GCNT2: variants seen among roughly 807,000 people sequenced by gnomAD.
GCNT2 encodes glucosaminyl (N-acetyl) transferase 2 (I blood group), also known as N-acetyllactosaminide beta-1,6-N-acetylglucosaminyl-transferase.
GCNT2 carries 34 observed loss-of-function variants against 34.2 expected under a neutral mutation model. The observed-to-expected ratio is 1.00, with a 90% CI of 0.76 to 1.32. The LOEUF (loss-of-function observed/expected upper bound fraction) is 1.32, where lower values mean the gene tolerates loss of function less well. Ranked by LOEUF, GCNT2 falls within the 40% of genes most tolerant of loss-of-function variation. The probability of loss-of-function intolerance (pLI) is 0.00; values close to 1 mark genes in which losing one functional copy is unlikely to be tolerated. For synonymous variants in GCNT2, 212 were observed against 188.0 expected, an observed-to-expected ratio of 1.13 and a Z score of -1.04; for missense variants, 584 against 489.4, an observed-to-expected ratio of 1.19 and a Z score of -1.82.
chr6:10,577,450 C>T (rs1422784625), intron 3 of GCNT2, among the ~76,000 whole-genome samples: 1 of 152,202 alleles, frequency 6.6e-6, no homozygotes, highest in Non-Finnish European at 1.5e-5. Context: ...GAGCAGTCTG[C>T]CCAGAGCCCC....
chr6:10,562,948 C>T (rs1355407978), intron 3 of GCNT2, among the ~76,000 whole-genome samples: 1 of 152,128 alleles, frequency 6.6e-6, no homozygotes. Flanking sequence ...CACCAGAAGT[C>T]GGGAGTTCGA....
Position 10,626,637 on chromosome 6 carries a change from G to A in GCNT2, c.*30G>A. On this transcript the variant is annotated 3_prime_UTR_variant, in exon 5 of 5. Coordinates refer to ENST00000495262, the MANE Select transcript of GCNT2 (RefSeq NM_145649.5). ...TTCATGAGCTACTCATGACTGAAGG[G>A]AAACTGCAGCTGGGAAGAGGAGCCT... 1 of 1,546,452 alleles carries A rather than the reference G, an allele frequency of 6.5e-7. No individual in the cohort carries two copies. The highest frequency in any genetic ancestry group is 8.9e-7 in the Non-Finnish European group (1 of 1,118,644).
chr6:10,557,230 A>G, intron 3 of GCNT2: 1 of 1,593,840 alleles, frequency 6.3e-7, no homozygotes, highest in South Asian at 1.1e-5. Flanking sequence ...CTCTATCAAG[A>G]GAGTTTGCCA....
intron 3 of GCNT2, among the ~76,000 whole-genome samples, chr6:10,599,353 C>T (rs1183939334): frequency 6.6e-6 from 1 of 152,220 alleles, no homozygotes; most frequent in Non-Finnish European, 1.5e-5. Context: ...CCTAACAATT[C>T]CCAAATAACC....
chr6:10,526,504 A>C (rs983433909), intron 1 of GCNT2, among the ~76,000 whole-genome samples: 25 of 152,236 alleles, frequency 1.6e-4, no homozygotes, highest in African/African-American at 6.0e-4. Flanking sequence ...ACCAAGAAGC[A>C]CTATGGAAAA....
At chr6:10,542,227 C>T (rs1266301219) in intron 3 of GCNT2, among the ~76,000 whole-genome samples, 1 of 152,142 alleles carries the variant, frequency 6.6e-6, no homozygotes, top group African/African-American at 2.4e-5. Flanking sequence ...GTTTCCTGCC[C>T]CAGTTTTAGG....
intron 3 of GCNT2, among the ~76,000 whole-genome samples, chr6:10,585,068 TGTGTGTGTGTGCGC>T (rs1230011773): frequency 6.0e-4 from 76 of 126,440 alleles, no homozygotes; most frequent in African/African-American, 3.3e-3. Flanking sequence ...TGTGTGTGTG[TGTGTGTGTGTGCGC>T]GCTATATTCT....
At chr6:10,556,110 C>T in intron 3 of GCNT2, 2 of 1,251,258 alleles carry the variant, frequency 1.6e-6, no homozygotes, top group South Asian at 3.4e-5. Flanking sequence ...AAGAGAGTTA[C>T]CGGAGTTTTA....
intron 3 of GCNT2, chr6:10,557,157 C>T: frequency 6.5e-7 from 1 of 1,549,638 alleles, no homozygotes; most frequent in Non-Finnish European, 8.7e-7. Flanking sequence ...GTGATAAGAA[C>T]AACAGCGTTG....
At chr6:10,548,956 A>C (rs1762375011) in intron 3 of GCNT2, among the ~76,000 whole-genome samples, 1 of 152,154 alleles carries the variant, frequency 6.6e-6, no homozygotes, top group Admixed American at 6.5e-5. Flanking sequence ...ACGGGGTTTC[A>C]CCACGTTGGA....
chr6:10,617,307 C>T (rs1765819060), intron 3 of GCNT2, among the ~76,000 whole-genome samples: 1 of 152,222 alleles, frequency 6.6e-6, no homozygotes, highest in Non-Finnish European at 1.5e-5. Flanking sequence ...CCGGCTTCTC[C>T]GAGTGCTGGG....
At chr6:10,615,670 TAAGA>T (rs1158121246) in intron 3 of GCNT2, among the ~76,000 whole-genome samples, 1 of 152,088 alleles carries the variant, frequency 6.6e-6, no homozygotes, top group Non-Finnish European at 1.5e-5. Context: ...GCAAGTTTAT[TAAGA>T]AAGTAAAGGA....
chr6:10,572,375 G>A (rs1019587573), intron 3 of GCNT2, among the ~76,000 whole-genome samples: 1 of 152,092 alleles, frequency 6.6e-6, no homozygotes, highest in Non-Finnish European at 1.5e-5. Flanking sequence ...CATTTATAAC[G>A]CTTTTCCCAT....
intron 4 of GCNT2, among the ~76,000 whole-genome samples, chr6:10,626,026 C>T (rs534571455): frequency 1.5e-4 from 23 of 152,168 alleles, no homozygotes; most frequent in African/African-American, 4.1e-4. Flanking sequence ...TGGTTGACTT[C>T]GGGTAGCTGA....
chr6:10,605,637 G>T (rs1765274785), intron 3 of GCNT2, among the ~76,000 whole-genome samples: 1 of 152,104 alleles, frequency 6.6e-6, no homozygotes, highest in Admixed American at 6.5e-5. Context: ...TAAAATGGCA[G>T]CCACAGTGAG....
intron 3 of GCNT2, among the ~76,000 whole-genome samples, chr6:10,593,020 C>T (rs748661854): frequency 4.6e-5 from 7 of 152,214 alleles, no homozygotes; most frequent in Non-Finnish European, 8.8e-5. Context: ...GGATTACAGG[C>T]GTGAGCCACC....
At chr6:10,555,744 G>A (rs1163343025) in intron 3 of GCNT2, 2 of 985,226 alleles carry the variant, frequency 2.0e-6, no homozygotes, top group African/African-American at 3.5e-5. Context: ...AAAACAGTGG[G>A]GTGGGGCCAA....
chr6:10,529,710 G>C lies in GCNT2; in HGVS notation c.799G>C (p.Val267Leu), dbSNP rs774604411. 2.5e-6 allele frequency: 4 copies of C among 1,613,862 alleles called. No individual in the cohort carries two copies. The highest frequency in any genetic ancestry group is 2.5e-6 in the Non-Finnish European group (3 of 1,179,970). ...DMVIYFGTAY[V>L]ALTRDFANFV... Reference sequence around the variant, plus strand: ...GGTGATTTACTTTGGCACGGCCTACGTGGCTCTCACAAGGGACTTTGCTAA... The same window carrying C: ...GGTGATTTACTTTGGCACGGCCTACCTGGCTCTCACAAGGGACTTTGCTAA... The change falls in exon 3 of 5, where the codon GTG (valine) becomes CTG (leucine). Residue 267 changes from valine (V) to leucine (L), a missense_variant. Coordinates refer to ENST00000495262, the MANE Select transcript of GCNT2 (RefSeq NM_145649.5).
chr6:10,547,760 T>C (rs965426824), intron 3 of GCNT2, among the ~76,000 whole-genome samples: 2 of 152,218 alleles, frequency 1.3e-5, no homozygotes, highest in Non-Finnish European at 2.9e-5. Flanking sequence ...ATAAAATTCA[T>C]CCTTCTTCTG....
Sources: gnomAD v4.1 joint callset for allele counts (sites outside exome capture counted in the v4.1 genomes callset) on GRCh38, gnomAD v4.1.1 for gene constraint, MANE v1.5 for transcripts, NCBI Gene and HGNC (gene_info 2026-07-23, HGNC 2026-07-21) for gene names.